Variants in CCSER1 observed in about 807,000 individuals in gnomAD.
CCSER1 encodes coiled-coil serine rich protein 1.
Under a neutral mutation model 82.0 loss-of-function variants are expected in CCSER1, and 41 were observed. That is an observed-to-expected ratio of 0.50 (90% CI 0.39 to 0.65). The LOEUF is 0.65. CCSER1 is among the 30% of genes least tolerant of loss of function. CCSER1 has a pLI of 0.00. For missense variants in CCSER1, 1,119 were observed against 1,064.2 expected (o/e 1.05, Z -0.72); for synonymous variants, 414 against 383.9 (o/e 1.08, Z -0.92).
intron 10 of CCSER1, among the ~76,000 whole-genome samples, chr4:91,553,796 T>C (rs377151182): frequency 6.6e-6 from 1 of 151,190 alleles, no homozygotes; most frequent in East Asian, 1.9e-4. Context: ...ATTTTATTGA[T>C]TTATATATCC....
intron 7 of CCSER1, among the ~76,000 whole-genome samples, chr4:90,815,212 C>A (rs1280892097): frequency 6.6e-6 from 1 of 152,020 alleles, no homozygotes; most frequent in Non-Finnish European, 1.5e-5. Flanking sequence ...ACCATCAGAT[C>A]TCATGAGAAC....
At chr4:90,387,862 A>G (rs760756413) in intron 3 of CCSER1, among the ~76,000 whole-genome samples, 9 of 152,130 alleles carry the variant, frequency 5.9e-5, no homozygotes, top group Non-Finnish European at 1.3e-4. Context: ...TACCTCCATA[A>G]TAAACCATAA....
At chr4:90,743,832 T>A (rs932525038) in intron 7 of CCSER1, among the ~76,000 whole-genome samples, 3 of 152,162 alleles carry the variant, frequency 2.0e-5, no homozygotes, top group Admixed American at 6.5e-5. Flanking sequence ...TAGTCATAAT[T>A]TTTGGTAATA....
At chr4:90,687,772 G>A (rs1324602854) in intron 6 of CCSER1, among the ~76,000 whole-genome samples, 1 of 152,144 alleles carries the variant, frequency 6.6e-6, no homozygotes, top group African/African-American at 2.4e-5. Context: ...AAGGAAGGAA[G>A]AGAAGGAAGG....
chr4:90,480,853 C>A (rs1765833112), intron 5 of CCSER1, among the ~76,000 whole-genome samples: 1 of 152,086 alleles, frequency 6.6e-6, no homozygotes, highest in African/African-American at 2.4e-5. Flanking sequence ...ATTGACGTGG[C>A]AATGCGGGCT....
In CCSER1 at chr4:90,627,847, G is replaced by A. The variant is rs563228359; in HGVS notation, c.1725-178G>A. Among the ~76,000 whole-genome samples, 5 of 152,124 alleles carry A rather than the reference G, an allele frequency of 3.3e-5. No homozygotes were observed. In the East Asian group the frequency reaches 9.7e-4, roughly 29 times the overall value. On this transcript the variant is annotated intron_variant, in intron 5 of 10. Coordinates refer to ENST00000509176, the MANE Select transcript of CCSER1 (RefSeq NM_001145065.2). ...TACAAGATCACGCCACTGCACTCCAGCCTGGGGGACAGAGTGAGACTCCAT... is the reference window on the plus strand; with the variant it reads ...TACAAGATCACGCCACTGCACTCCAACCTGGGGGACAGAGTGAGACTCCAT...
chr4:90,621,263 T>C (rs1029780248), intron 5 of CCSER1, among the ~76,000 whole-genome samples: 1 of 152,204 alleles, frequency 6.6e-6, no homozygotes, highest in African/African-American at 2.4e-5. Flanking sequence ...GAGGAAATGT[T>C]TTCCTGAAGC....
chr4:91,023,031 A>T (rs915342311), intron 9 of CCSER1, among the ~76,000 whole-genome samples: 4 of 152,088 alleles, frequency 2.6e-5, no homozygotes, highest in African/African-American at 9.7e-5. Context: ...CCCATTTGTC[A>T]ATTTTGGCTT....
At chr4:91,402,993 C>T (rs928426508) in intron 10 of CCSER1, among the ~76,000 whole-genome samples, 4 of 152,120 alleles carry the variant, frequency 2.6e-5, no homozygotes, top group Admixed American at 2.0e-4. Flanking sequence ...GGCAGTATGG[C>T]CATTTTCACA....
At chr4:91,056,948 G>A (rs1476134519) in intron 9 of CCSER1, among the ~76,000 whole-genome samples, 3 of 152,126 alleles carry the variant, frequency 2.0e-5, no homozygotes, top group Non-Finnish European at 4.4e-5. Flanking sequence ...AAAATGAAGG[G>A]TGGAAAAAAT....
intron 9 of CCSER1, among the ~76,000 whole-genome samples, chr4:91,081,243 G>A (rs1028512983): frequency 1.5e-4 from 23 of 152,214 alleles, no homozygotes; most frequent in African/African-American, 5.3e-4. Flanking sequence ...GGGATGCAAG[G>A]CTGGTTCAAC....
intron 1 of CCSER1, among the ~76,000 whole-genome samples, chr4:90,278,063 C>G (rs573214775): frequency 1.5e-4 from 23 of 152,164 alleles, no homozygotes; most frequent in African/African-American, 5.5e-4. Flanking sequence ...AATGGACCCA[C>G]AAGCTTATGA....
intron 9 of CCSER1, among the ~76,000 whole-genome samples, chr4:90,977,946 C>A (rs1384918529): frequency 6.6e-6 from 1 of 151,512 alleles, no homozygotes; most frequent in Non-Finnish European, 1.5e-5. Flanking sequence ...ATGATGTATG[C>A]AACAGGCATT....
intron 8 of CCSER1, among the ~76,000 whole-genome samples, chr4:90,913,138 C>T (rs951148153): frequency 2.6e-5 from 4 of 152,020 alleles, no homozygotes; most frequent in African/African-American, 9.7e-5. Context: ...ACACAGAGAA[C>T]ACCACAAAGA....
intron 6 of CCSER1, among the ~76,000 whole-genome samples, chr4:90,686,149 G>A (rs1734779891): frequency 6.6e-6 from 1 of 152,112 alleles, no homozygotes; most frequent in South Asian, 2.1e-4. Context: ...CCTAGGCAGA[G>A]AGCTTATCCA....
chr4:91,555,181 T>C (rs542121690), intron 10 of CCSER1, among the ~76,000 whole-genome samples: 1 of 151,266 alleles, frequency 6.6e-6, no homozygotes, highest in South Asian at 2.1e-4. Context: ...GCTATGCCAA[T>C]TTGCTGGTTG....
In CCSER1 at chr4:90,395,677, A is replaced by T. The variant is rs528668702; in HGVS notation, c.1510-4359A>T. On this transcript the variant is annotated intron_variant, in intron 3 of 10. Coordinates refer to ENST00000509176, the MANE Select transcript of CCSER1 (RefSeq NM_001145065.2). ...GCTCTTATGTCTTTTTTTTTTTTTT[A>T]AGTTAAAGCCCACCTTTTAATTTTG... 6.0e-3 allele frequency among the ~76,000 whole-genome samples: 886 copies of T among 146,654 alleles called. 10 individuals carry two copies. The highest frequency in any genetic ancestry group is 0.022 in the African/African-American group (850 of 38,730).
chr4:91,212,794 T>C (rs763542663), intron 10 of CCSER1, among the ~76,000 whole-genome samples: 2 of 152,232 alleles, frequency 1.3e-5, no homozygotes, highest in South Asian at 2.1e-4. Flanking sequence ...CATGGGTATA[T>C]TGAATGATGC....
chr4:90,210,659 G>T (rs1026334265), intron 1 of CCSER1, among the ~76,000 whole-genome samples: 3 of 151,970 alleles, frequency 2.0e-5, no homozygotes, highest in African/African-American at 7.3e-5. Context: ...TTCCCAGGCT[G>T]CTCTAGAACT....
Sources: gnomAD v4.1 joint callset for allele counts (sites outside exome capture counted in the v4.1 genomes callset) on GRCh38, gnomAD v4.1.1 for gene constraint, MANE v1.5 for transcripts, NCBI Gene and HGNC (gene_info 2026-07-23, HGNC 2026-07-21) for gene names.